The following BCLAF1 variants were observed in gnomAD, a reference collection of about 807,000 sequenced individuals.
The protein encoded by BCLAF1 is bcl-2-associated transcription factor 1.
A neutral mutation model predicts 99.5 loss-of-function variants in BCLAF1; 10 were observed. That is an observed-to-expected ratio of 0.10 (90% CI 0.06 to 0.17). The LOEUF (loss-of-function observed/expected upper bound fraction) is 0.17. Ranked by LOEUF, BCLAF1 falls within the 10% of genes least tolerant of loss-of-function variation. The pLI is 1.00. For missense variants in BCLAF1, 636 were observed against 1,105.8 expected (o/e 0.58, Z 6.02); for synonymous variants, 255 against 370.9 (o/e 0.69, Z 3.59).
intron 1 of BCLAF1, among the ~76,000 whole-genome samples, chr6:136,284,116 ATGTG>A (rs879553249): frequency 2.5e-5 from 3 of 120,058 alleles, no homozygotes; most frequent in East Asian, 2.2e-4. Context: ...ATACATATAT[ATGTG>A]TGTGTGTGTG....
chr6:136,276,927 C>T (rs1171496681), intron 4 of BCLAF1, among the ~76,000 whole-genome samples: 1 of 152,128 alleles, frequency 6.6e-6, no homozygotes, highest in Non-Finnish European at 1.5e-5. Flanking sequence ...AGAGTTCACA[C>T]AAATGGATTT....
At chr6:136,284,158 A>ATATATATATC (rs1421101274) in intron 1 of BCLAF1, among the ~76,000 whole-genome samples, 3 of 143,990 alleles carry the variant, frequency 2.1e-5, no homozygotes, top group African/African-American at 7.6e-5. Flanking sequence ...ATATATATAT[A>ATATATATATC]TCCAGAGAAG....
In BCLAF1 at chr6:136,257,029, C is replaced by T. The variant is rs1295304810; in HGVS notation, c.*4081G>A. 6.6e-6 allele frequency: 1 copy of T among 152,120 alleles called. No homozygotes were observed. The highest frequency in any genetic ancestry group is 1.9e-4 in the East Asian group (1 of 5,194). 9.4% of individuals were successfully genotyped at this position (152,120 alleles called of 1,614,324 possible). On this transcript the variant is annotated 3_prime_UTR_variant, in exon 13 of 13. Coordinates refer to ENST00000531224, the MANE Select transcript of BCLAF1 (RefSeq NM_014739.3). ...TCATGTACTTTTATTAAAGGCAGAG[C>T]TCATTATTAATGAAATCTGGAAGCT...
chr6:136,288,800 C>T (rs1785521132), intron 1 of BCLAF1, among the ~76,000 whole-genome samples: 1 of 152,214 alleles, frequency 6.6e-6, no homozygotes, highest in Non-Finnish European at 1.5e-5. Context: ...CCACTCCCAC[C>T]CATTTCTCAC....
rs569243814 is a variant in BCLAF1 at position 136,276,155 on chromosome 6, T to C, written c.1370A>G (p.Lys457Arg). ...NRESDGFREEKNYKLKETGYV... is the reference protein window; with the variant it reads ...NRESDGFREERNYKLKETGYV... The stretch of plus-strand genomic sequence containing the variant: ...TCCAGTCTCTTTAAGTTTATAATTT[T>C]TTTCTTCTCTAAATCCATCACTTTC... The change falls in exon 5 of 13, where the codon AAA (lysine) becomes AGA (arginine). Residue 457 changes from lysine (K) to arginine (R), a missense_variant. Transcript: ENST00000531224. 1 of 1,613,422 alleles carries C rather than the reference T, an allele frequency of 6.2e-7. No individual in the cohort carries two copies. Among genetic ancestry groups the C allele is most frequent in the East Asian group, 2.2e-5 (1 of 44,860 alleles).
intron 10 of BCLAF1, 106 bp from the exon 11 acceptor site, chr6:136,267,281 TATCTAA>T (rs1314520967): frequency 7.9e-7 from 1 of 1,262,534 alleles, no homozygotes. Context: ...CCTAATTTCC[TATCTAA>T]ATCTCATGGC....
intron 10 of BCLAF1, among the ~76,000 whole-genome samples, chr6:136,267,605 G>A (rs1339397570): frequency 6.6e-6 from 1 of 151,760 alleles, no homozygotes; most frequent in African/African-American, 2.4e-5. Context: ...CTCGCTCAAG[G>A]TAGGAGTGTG....
chr6:136,266,995 G>A, intron 11 of BCLAF1, 34 bp downstream of exon 11: 1 of 1,608,986 alleles, frequency 6.2e-7, no homozygotes, highest in Non-Finnish European at 8.5e-7. Flanking sequence ...GAAAATTAAT[G>A]CAAACCAAAT....
At chr6:136,284,904 G>C (rs185200256) in intron 1 of BCLAF1, among the ~76,000 whole-genome samples, 1 of 152,034 alleles carries the variant, frequency 6.6e-6, no homozygotes, top group Non-Finnish European at 1.5e-5. Context: ...TGGATCCTTG[G>C]GCCCTCTTTA....
intron 1 of BCLAF1, among the ~76,000 whole-genome samples, chr6:136,283,178 C>CA (rs1173234336): frequency 0.022 from 1,117 of 51,922 alleles, 63 homozygotes; most frequent in African/African-American, 0.052. Context: ...GACCCCATCT[C>CA]AAAAAAAAAA....
chr6:136,279,927 A>T (rs1246866379), intron 2 of BCLAF1, 51 bp from the exon 3 acceptor site: 1 of 1,362,674 alleles, frequency 7.3e-7, no homozygotes, highest in Non-Finnish European at 9.6e-7. Context: ...ATGATATTTA[A>T]AATTTTACAT....
At chr6:136,273,358 A>G (rs1174635573) in intron 6 of BCLAF1, 171 bp from the exon 7 acceptor site, 1 of 570,886 alleles carries the variant, frequency 1.8e-6, no homozygotes. Flanking sequence ...GTACCTCAAC[A>G]GGAGAGTGTT....
In BCLAF1 at chr6:136,282,976, T is replaced by A. The variant is rs146865713; in HGVS notation, c.-114-289A>T. Among the ~76,000 whole-genome samples, 7 of 152,056 alleles carry A rather than the reference T, an allele frequency of 4.6e-5. No homozygotes were observed. In the East Asian group the frequency reaches 1.4e-3, roughly 29 times the overall value. ...AAAAAACATATGATATGTCGTTCCA[T>A]CAGAAAATTCCAACGTAGCTAACAT... is the stretch of plus-strand genomic sequence containing the variant. On this transcript the variant is annotated intron_variant, in intron 1 of 12. Transcript: ENST00000531224.
intron 11 of BCLAF1, among the ~76,000 whole-genome samples, chr6:136,264,138 A>G (rs561792412): frequency 6.6e-6 from 1 of 152,278 alleles, no homozygotes; most frequent in African/African-American, 2.4e-5. Flanking sequence ...AAGTATTCAT[A>G]CATACAGAAC....
intron 8 of BCLAF1, 145 bp downstream of exon 8, chr6:136,271,846 GAAGA>G: frequency 1.8e-6 from 1 of 559,782 alleles, no homozygotes; most frequent in Non-Finnish European, 3.1e-6. Context: ...TTTCTTCCAG[GAAGA>G]AACAGTATGT....
At chr6:136,264,459 C>A (rs1024496188) in intron 11 of BCLAF1, among the ~76,000 whole-genome samples, 11 of 152,156 alleles carry the variant, frequency 7.2e-5, no homozygotes, top group African/African-American at 2.7e-4. Flanking sequence ...CCTGTCTCAG[C>A]CTCCCAAAGT....
chr6:136,257,522 T>C lies in BCLAF1; in HGVS notation c.*3588A>G, dbSNP rs1204245715. ...CAATTAAATACAACTAGATTCCATA[T>C]ATTCCTGAATCCTAAGAAATGTAAA... On this transcript the variant is annotated 3_prime_UTR_variant, in exon 13 of 13. Coordinates refer to ENST00000531224, the MANE Select transcript of BCLAF1 (RefSeq NM_014739.3). The C allele has an allele frequency of 2.6e-5, 4 of 152,190 alleles. No individual in the cohort carries two copies. The highest frequency in any genetic ancestry group is 4.4e-5 in the Non-Finnish European group (3 of 67,998). The allele number at this position is 152,190 out of a possible 1,614,324, so 9.4% of individuals were successfully genotyped here.
intron 2 of BCLAF1, among the ~76,000 whole-genome samples, chr6:136,280,204 C>G (rs1784185632): frequency 6.6e-6 from 1 of 152,092 alleles, no homozygotes; most frequent in Admixed American, 6.6e-5. Flanking sequence ...TTATTCCACG[C>G]CCAATACAAA....
chr6:136,278,854 A>G, intron 3 of BCLAF1, 78 bp from the exon 4 acceptor site: 2 of 1,308,858 alleles, frequency 1.5e-6, no homozygotes, highest in Non-Finnish European at 2.0e-6. Context: ...GTTGAATATA[A>G]CATGTAAATA....
Sources: allele counts gnomAD v4.1 joint callset (sites outside exome capture counted in the v4.1 genomes callset), GRCh38; gene constraint gnomAD v4.1.1; transcripts MANE v1.5; gene names NCBI Gene and HGNC (gene_info 2026-07-23, HGNC 2026-07-21).